The following SPATA19 variants were observed in gnomAD, a reference collection of about 807,000 sequenced individuals.
The protein encoded by SPATA19 is spermatogenesis-associated protein 19, mitochondrial.
Under a neutral mutation model 25.0 loss-of-function variants are expected in SPATA19, and 19 were observed. That is an observed-to-expected ratio of 0.76 (90% CI 0.53 to 1.11). The LOEUF (loss-of-function observed/expected upper bound fraction) is 1.11, where lower values mean the gene tolerates loss of function less well. Ranked by LOEUF, SPATA19 falls within the 50% of genes most tolerant of loss-of-function variation. The pLI is 0.00. For synonymous variants in SPATA19, 64 were observed against 69.3 expected, an observed-to-expected ratio of 0.92 and a Z score of 0.38; for missense variants, 222 against 211.4, an observed-to-expected ratio of 1.05 and a Z score of -0.31.
rs1938399637 is a variant in SPATA19 at position 133,845,407 on chromosome 11, T to A, written c.40A>T (p.Lys14Ter). 6.2e-7 allele frequency: 1 copy of A among 1,614,142 alleles called. No homozygotes were observed. The highest frequency in any genetic ancestry group is 8.5e-7 in the Non-Finnish European group (1 of 1,180,004). The change falls in exon 1 of 7, where the codon AAA (lysine) becomes TAA (stop). Residue 14 changes from lysine to a stop codon, truncating the protein, a stop_gained. Coordinates refer to ENST00000299140, the MANE Select transcript of SPATA19 (RefSeq NM_174927.3). LOFTEE classifies it high-confidence loss of function. ...TTWIVYILAR[K>*]GVGLPFLPIT... ...GGTAGGAAGGGAAGCCCTACACCTT[T>A]CCGAGCAAGAATATACACAATCCAT...
intron 4 of SPATA19, among the ~76,000 whole-genome samples, chr11:133,843,561 G>A (rs1286186810): frequency 6.6e-6 from 1 of 152,224 alleles, no homozygotes. Context: ...GGCAGGGAAA[G>A]GAGGAAGAGA....
chr11:133,845,408 C>A lies in SPATA19; in HGVS notation c.39G>T (p.Arg13=). Residue 13 remains arginine (R), a synonymous_variant, in exon 1 of 7, where the codon CGG becomes CGT. Transcript: ENST00000299140. ...ITTWIVYILA[R]KGVGLPFLPI... is the part of the protein sequence containing the mutation. The stretch of plus-strand genomic sequence containing the variant: ...GTAGGAAGGGAAGCCCTACACCTTT[C>A]CGAGCAAGAATATACACAATCCATG... The A allele has an allele frequency of 6.2e-7, 1 of 1,614,152 alleles. No individual in the cohort carries two copies. The highest frequency in any genetic ancestry group is 8.5e-7 in the Non-Finnish European group (1 of 1,180,030).
chr11:133,844,396 C>T (rs1938375187), intron 3 of SPATA19, 59 bp from the exon 4 acceptor site: 1 of 1,608,348 alleles, frequency 6.2e-7, no homozygotes, highest in Admixed American at 1.7e-5. Flanking sequence ...ACTGGGCTGG[C>T]ACAGAGCCCA....
chr11:133,845,217 C>T, intron 1 of SPATA19, 27 bp from the exon 2 acceptor site: 1 of 1,612,718 alleles, frequency 6.2e-7, no homozygotes, highest in Non-Finnish European at 8.5e-7. Flanking sequence ...AGTTGGTGAC[C>T]TCAGAAAACC....
chr11:133,836,103 G>A (rs115067345), downstream of SPATA19, among the ~76,000 whole-genome samples: 1,310 of 152,206 alleles, frequency 8.6e-3, 19 homozygotes, highest in African/African-American at 0.03. Context: ...TGGCCCAACC[G>A]GCCTCTTGAC....
chr11:133,842,593 G>A, intron 4 of SPATA19, 31 bp from the exon 5 acceptor site: 1 of 1,539,692 alleles, frequency 6.5e-7, no homozygotes, highest in Non-Finnish European at 9.0e-7. Flanking sequence ...ATTGGCATAT[G>A]GGATCTGAGT....
At chr11:133,836,769 T>C (rs1938219818), downstream of SPATA19, among the ~76,000 whole-genome samples, 1 of 152,204 alleles carries the variant, frequency 6.6e-6, no homozygotes, top group South Asian at 2.1e-4. Flanking sequence ...ATCTGCCTCA[T>C]CAAAATGAAA....
At chr11:133,843,076 C>T (rs752832595) in intron 4 of SPATA19, among the ~76,000 whole-genome samples, 1 of 152,118 alleles carries the variant, frequency 6.6e-6, no homozygotes, top group Non-Finnish European at 1.5e-5. Flanking sequence ...GACACCAAAA[C>T]CAGTGGGTTG....
chr11:133,839,035 G>A (rs1276227051), downstream of SPATA19, among the ~76,000 whole-genome samples: 2 of 152,174 alleles, frequency 1.3e-5, no homozygotes. Flanking sequence ...GAAACAACAG[G>A]TGCTGGAGAG....
At chr11:133,844,148 C>T (rs780748931) in intron 4 of SPATA19, 98 bp downstream of exon 4, 61 of 990,244 alleles carry the variant, frequency 6.2e-5, no homozygotes, top group African/African-American at 9.6e-5. Flanking sequence ...CAGCCAAAGA[C>T]GACATCTCTA....
At chr11:133,836,239 C>T (rs781499950), downstream of SPATA19, among the ~76,000 whole-genome samples, 5 of 152,172 alleles carry the variant, frequency 3.3e-5, no homozygotes, top group Non-Finnish European at 7.3e-5. Context: ...CCAGGGCTGG[C>T]TGCTCTCCTG....
downstream of SPATA19, among the ~76,000 whole-genome samples, chr11:133,837,210 C>T (rs1469184008): frequency 6.6e-6 from 1 of 152,168 alleles, no homozygotes; most frequent in Non-Finnish European, 1.5e-5. Flanking sequence ...TCTTAAATCC[C>T]TCAGAGAACT....
rs1245784776 is a variant in SPATA19, at chr11:133,845,119, A to G, written c.135+15T>C. 6 of 1,611,684 alleles carry G rather than the reference A, an allele frequency of 3.7e-6. No individual in the cohort carries two copies. The highest frequency in any genetic ancestry group is 5.1e-6 in the Non-Finnish European group (6 of 1,178,188). On this transcript the variant is annotated intron_variant, in intron 2 of 6. Transcript: ENST00000299140. ...GCATTTTGGATATCCTGAGTCATAAAGAAATCTTACTCACTTTTTTCAACC... is the reference window on the plus strand; with the variant it reads ...GCATTTTGGATATCCTGAGTCATAAGGAAATCTTACTCACTTTTTTCAACC...
At chr11:133,842,359 G>T in intron 5 of SPATA19, 126 bp downstream of exon 5, 1 of 816,992 alleles carries the variant, frequency 1.2e-6, no homozygotes, top group Non-Finnish European at 2.1e-6. Flanking sequence ...GGAACTGTGT[G>T]TCTCTGCTCT....
chr11:133,843,272 C>A (rs1389240535), intron 4 of SPATA19, among the ~76,000 whole-genome samples: 2 of 152,104 alleles, frequency 1.3e-5, no homozygotes, highest in Admixed American at 1.3e-4. Flanking sequence ...CCAAGGAGCA[C>A]AATGTCCGCA....
At chr11:133,844,208 C>A in intron 4 of SPATA19, 38 bp downstream of exon 4, 1 of 1,552,946 alleles carries the variant, frequency 6.4e-7, no homozygotes, top group Non-Finnish European at 8.9e-7. Flanking sequence ...GCATCTCTCC[C>A]TCCCCTTCCT....
intron 1 of SPATA19, 53 bp from the exon 2 acceptor site, chr11:133,845,243 T>TGGGCCCCCCC: frequency 6.4e-7 from 1 of 1,555,088 alleles, no homozygotes; most frequent in Non-Finnish European, 8.8e-7. Flanking sequence ...ATTCAGCTCT[T>TGGGCCCCCCC]CCCACCCAGC....
downstream of SPATA19, among the ~76,000 whole-genome samples, chr11:133,837,076 C>T (rs1052426247): frequency 1.3e-5 from 2 of 152,182 alleles, no homozygotes; most frequent in Non-Finnish European, 1.5e-5. Flanking sequence ...AGTGGTCATT[C>T]TCGTGGACAC....
chr11:133,839,969 A>AAAT (rs1052814074), downstream of SPATA19, among the ~76,000 whole-genome samples: 9 of 151,990 alleles, frequency 5.9e-5, no homozygotes, highest in South Asian at 2.1e-4. Context: ...TAAATGCAAA[A>AAAT]AATAATAATA....
Sources: allele counts gnomAD v4.1 joint callset (sites outside exome capture counted in the v4.1 genomes callset), GRCh38; gene constraint gnomAD v4.1.1; transcripts MANE v1.5; gene names NCBI Gene and HGNC (gene_info 2026-07-23, HGNC 2026-07-21).